MYO10: variants seen among roughly 807,000 people sequenced by gnomAD.
MYO10 encodes the protein myosin X, also known as unconventional myosin-X.
In MYO10, 133 loss-of-function variants were observed where a neutral mutation model predicts 257.3. The ratio of observed to expected loss-of-function variants is 0.52; its 90% CI spans 0.45 to 0.60. The LOEUF (loss-of-function observed/expected upper bound fraction) is 0.60, where lower values mean the gene tolerates loss of function less well. MYO10 is among the 20% of genes least tolerant of loss of function. The probability of loss-of-function intolerance (pLI) is 0.00; values close to 1 mark genes in which losing one functional copy is unlikely to be tolerated. For synonymous variants in MYO10, 1,104 were observed against 1,028.6 expected (o/e 1.07, Z -1.40); for missense variants, 2,399 against 2,635.7 (o/e 0.91, Z 1.97).
intron 19 of MYO10, among the ~76,000 whole-genome samples, chr5:16,734,967 A>G (rs1739731044): frequency 6.6e-6 from 1 of 152,066 alleles, no homozygotes; most frequent in Non-Finnish European, 1.5e-5. Flanking sequence ...CTACCCTACA[A>G]AGGGTGGCTT....
chr5:16,840,735 T>C (rs752675718), intron 2 of MYO10, among the ~76,000 whole-genome samples: 7 of 152,076 alleles, frequency 4.6e-5, no homozygotes, highest in African/African-American at 7.2e-5. Context: ...AACAAAAATA[T>C]GCAAGCCCAT....
chr5:16,842,783 T>G (rs1414928201), intron 2 of MYO10, among the ~76,000 whole-genome samples: 1 of 151,902 alleles, frequency 6.6e-6, no homozygotes, highest in Admixed American at 6.6e-5. Flanking sequence ...TAGTCCCAGC[T>G]AGTCGGGAGG....
chr5:16,690,929 A>C (rs1737469498), intron 27 of MYO10, among the ~76,000 whole-genome samples: 1 of 152,094 alleles, frequency 6.6e-6, no homozygotes, highest in African/African-American at 2.4e-5. Context: ...ACGTTTGATG[A>C]AGAAGGGTTT....
chr5:16,772,234 G>A (rs1741074665), intron 9 of MYO10, among the ~76,000 whole-genome samples: 1 of 151,812 alleles, frequency 6.6e-6, no homozygotes, highest in African/African-American at 2.4e-5. Flanking sequence ...CCGGGTTCAA[G>A]TGATTCTCCT....
intron 4 of MYO10, among the ~76,000 whole-genome samples, chr5:16,784,931 G>A (rs973416054): frequency 2.0e-5 from 3 of 152,112 alleles, no homozygotes; most frequent in African/African-American, 2.4e-5. Flanking sequence ...CCTGGGCAGG[G>A]GCCAGTGTCA....
At chr5:16,680,774 G>A (rs889568404) in intron 32 of MYO10, among the ~76,000 whole-genome samples, 2 of 152,130 alleles carry the variant, frequency 1.3e-5, no homozygotes, top group East Asian at 1.9e-4. Flanking sequence ...TGCATAGGAC[G>A]CTCATCGTAC....
chr5:16,877,716 A>G lies in MYO10; in HGVS notation c.22-9T>C, dbSNP rs1561033618. 6.2e-7 allele frequency: 1 copy of G among 1,606,128 alleles called. No homozygotes were observed. Among genetic ancestry groups the G allele is most frequent in the East Asian group, 2.2e-5 (1 of 44,834 alleles). ...AGCCAGACCCGTGTTCCCTGTAAAC[A>G]AAACAAACAAGACTGAACTGAGTTT... On this transcript the variant is annotated splice_polypyrimidine_tract_variant and intron_variant, in intron 1 of 40. Coordinates refer to ENST00000513610, the MANE Select transcript of MYO10 (RefSeq NM_012334.3).
chr5:16,758,879 A>C (rs1250893059), intron 17 of MYO10, among the ~76,000 whole-genome samples: 4 of 152,188 alleles, frequency 2.6e-5, no homozygotes, highest in African/African-American at 9.7e-5. Context: ...AAAGTTCTGT[A>C]AAATCCATTG....
chr5:16,809,077 G>A (rs1296463159), intron 3 of MYO10, among the ~76,000 whole-genome samples: 5 of 152,012 alleles, frequency 3.3e-5, no homozygotes, highest in Admixed American at 6.5e-5. Flanking sequence ...CGGCCACTCC[G>A]GAGCATAAAT....
At chr5:16,675,951 G>A (rs1237222608) in intron 34 of MYO10, 80 bp downstream of exon 34, 2 of 1,443,808 alleles carry the variant, frequency 1.4e-6, no homozygotes, top group Non-Finnish European at 1.9e-6. Flanking sequence ...AAAAACAAAT[G>A]CTTCTGTGTT....
chr5:16,854,333 TA>T (rs759743148), intron 2 of MYO10, among the ~76,000 whole-genome samples: 1 of 152,246 alleles, frequency 6.6e-6, no homozygotes, highest in African/African-American at 2.4e-5. Flanking sequence ...AAATAAAATG[TA>T]GCATATTCAT....
At chr5:16,844,242 T>A (rs1258200683) in intron 2 of MYO10, among the ~76,000 whole-genome samples, 1 of 152,228 alleles carries the variant, frequency 6.6e-6, no homozygotes, top group Non-Finnish European at 1.5e-5. Flanking sequence ...CTTTTTTTTC[T>A]TTGAATAATT....
At chr5:16,707,185 C>T (rs553411999) in intron 21 of MYO10, among the ~76,000 whole-genome samples, 1 of 152,302 alleles carries the variant, frequency 6.6e-6, no homozygotes, top group Non-Finnish European at 1.5e-5. Flanking sequence ...CATGAGGCCT[C>T]CCCAGCCATG....
At chr5:16,850,805 C>T (rs899408981) in intron 2 of MYO10, among the ~76,000 whole-genome samples, 4 of 11,400 alleles carry the variant, frequency 3.5e-4, no homozygotes, top group East Asian at 4.1e-3. Context: ...GAGGGGGTTA[C>T]GGGCGGGGGG....
At chr5:16,781,663 G>T (rs201200692) in intron 6 of MYO10, 42 bp downstream of exon 6, 1 of 1,567,742 alleles carries the variant, frequency 6.4e-7, no homozygotes. Context: ...TTTCCACTTA[G>T]AGAATCAATT....
chr5:16,927,910 G>C (rs1746181817), intron 1 of MYO10, among the ~76,000 whole-genome samples: 1 of 152,152 alleles, frequency 6.6e-6, no homozygotes, highest in African/African-American at 2.4e-5. Flanking sequence ...TAGCAAGGCA[G>C]CAAAATGTTT....
chr5:16,876,623 C>T (rs927377108), intron 2 of MYO10, among the ~76,000 whole-genome samples: 1 of 152,106 alleles, frequency 6.6e-6, no homozygotes, highest in African/African-American at 2.4e-5. Flanking sequence ...GGTGCAATCT[C>T]GGCTCACTGC....
At chr5:16,786,124 C>CA (rs201388869) in intron 4 of MYO10, among the ~76,000 whole-genome samples, 6 of 11,986 alleles carry the variant, frequency 5.0e-4, no homozygotes, top group East Asian at 2.0e-3. Context: ...CACCAGGGGC[C>CA]GGAGAGGAGC....
At chr5:16,769,559 T>G (rs761446244) in intron 9 of MYO10, among the ~76,000 whole-genome samples, 6 of 152,030 alleles carry the variant, frequency 3.9e-5, no homozygotes, top group Non-Finnish European at 7.4e-5. Context: ...AGGCTGGTCT[T>G]GAACTCCTGA....
Sources: gnomAD v4.1 joint callset for allele counts (sites outside exome capture counted in the v4.1 genomes callset) on GRCh38, gnomAD v4.1.1 for gene constraint, MANE v1.5 for transcripts, NCBI Gene and HGNC (gene_info 2026-07-23, HGNC 2026-07-21) for gene names.